The following HGF variants were observed in gnomAD, a reference collection of about 807,000 sequenced individuals.
HGF encodes hepatocyte growth factor.
In HGF, 39 loss-of-function variants were observed where a neutral mutation model predicts 111.6. The ratio of observed to expected loss-of-function variants is 0.35; its 90% CI spans 0.27 to 0.46. The LOEUF (loss-of-function observed/expected upper bound fraction) is 0.46. Among genes scored for constraint, HGF ranks in the 20% least tolerant of loss-of-function variants. The pLI is 1.00. For synonymous variants in HGF, 285 were observed against 294.8 expected (o/e 0.97, Z 0.34); for missense variants, 735 against 910.5 (o/e 0.81, Z 2.48).
chr7:81,712,012 C>A (rs375901515), intron 11 of HGF, among the ~76,000 whole-genome samples: 3 of 152,098 alleles, frequency 2.0e-5, no homozygotes, highest in African/African-American at 7.2e-5. Context: ...TTATACATCA[C>A]GTTTACTGGA....
At chr7:81,764,337 G>T (rs981740745) in intron 1 of HGF, among the ~76,000 whole-genome samples, 4 of 152,026 alleles carry the variant, frequency 2.6e-5, no homozygotes, top group Non-Finnish European at 5.9e-5. Context: ...AAACTCCAAA[G>T]CACAATCTCC....
intron 5 of HGF, chr7:81,751,052 A>C (rs1788475388): frequency 9.1e-6 from 9 of 984,792 alleles, no homozygotes; most frequent in Non-Finnish European, 1.1e-5. Context: ...ATTCACTAAC[A>C]ACAGAAAACA....
At position 81,699,290 on chromosome 7, in the gene HGF, T is replaced by C. The variant is rs1231350939; in HGVS notation, c.*3291A>G. 6.6e-6 allele frequency: 1 copy of C among 151,538 alleles called. No homozygotes were observed. Among genetic ancestry groups the C allele is most frequent in the Non-Finnish European group, 1.5e-5 (1 of 67,644 alleles). The allele number at this position is 151,538 out of a possible 1,614,324, so 9.4% of individuals were successfully genotyped here. On this transcript the variant is annotated 3_prime_UTR_variant, in exon 18 of 18. Coordinates refer to ENST00000222390, the MANE Select transcript of HGF (RefSeq NM_000601.6). ...ACTTAAAAGTTACACTGTCAAGATA[T>C]ATATGGTCCAAAAAATTTTAACTTT...
intron 1 of HGF, 62 bp downstream of exon 1, chr7:81,769,822 G>A (rs1412185498): frequency 8.1e-7 from 1 of 1,228,712 alleles, no homozygotes; most frequent in South Asian, 1.3e-5. Flanking sequence ...AAAAGGAATA[G>A]GGAAGGTTAG....
At chr7:81,766,845 A>G (rs1789380577) in intron 1 of HGF, among the ~76,000 whole-genome samples, 1 of 152,226 alleles carries the variant, frequency 6.6e-6, no homozygotes, top group Non-Finnish European at 1.5e-5. Flanking sequence ...TTCAACAAAA[A>G]AACTTTCAGC....
chr7:81,722,639 C>A (rs1193162555), intron 9 of HGF, among the ~76,000 whole-genome samples: 9 of 149,538 alleles, frequency 6.0e-5, no homozygotes, highest in African/African-American at 2.2e-4. Context: ...ATGGTGAAAC[C>A]CCATTTCTAC....
intron 9 of HGF, among the ~76,000 whole-genome samples, chr7:81,724,621 T>TAGG (rs1156383391): frequency 6.6e-6 from 1 of 152,220 alleles, no homozygotes; most frequent in Non-Finnish European, 1.5e-5. Context: ...GTAGGTTTGT[T>TAGG]ATATGTAAAT....
At chr7:81,726,416 C>T (rs879481584) in intron 8 of HGF, among the ~76,000 whole-genome samples, 1 of 152,156 alleles carries the variant, frequency 6.6e-6, no homozygotes, top group East Asian at 1.9e-4. Context: ...ACACATATCT[C>T]TCTTTGTGGA....
intron 7 of HGF, among the ~76,000 whole-genome samples, chr7:81,733,162 G>T (rs1027570159): frequency 6.6e-6 from 1 of 151,756 alleles, no homozygotes; most frequent in African/African-American, 2.4e-5. Context: ...TAAAAAGTAT[G>T]TAAAATCATT....
At chr7:81,710,987 C>G (rs5745737) in intron 12 of HGF, among the ~76,000 whole-genome samples, 199 of 152,220 alleles carry the variant, frequency 1.3e-3, no homozygotes, top group Non-Finnish European at 2.3e-3. Flanking sequence ...CAAGTGGCCC[C>G]CAACAGATTC....
intron 10 of HGF, among the ~76,000 whole-genome samples, chr7:81,717,587 G>A (rs1197542221): frequency 1.3e-5 from 2 of 151,958 alleles, no homozygotes; most frequent in Non-Finnish European, 2.9e-5. Context: ...TATGGAAGAG[G>A]GCTCCATAAT....
intron 7 of HGF, among the ~76,000 whole-genome samples, chr7:81,739,330 C>T (rs1368827439): frequency 6.6e-6 from 1 of 151,850 alleles, no homozygotes; most frequent in Non-Finnish European, 1.5e-5. Context: ...GTCTTTTATT[C>T]TTCACCTCAT....
At chr7:81,721,218 G>C (rs946845184) in intron 9 of HGF, among the ~76,000 whole-genome samples, 2 of 152,026 alleles carry the variant, frequency 1.3e-5, no homozygotes, top group African/African-American at 4.8e-5. Flanking sequence ...CTGCACTCCA[G>C]CCTGGGCGAC....
intron 4 of HGF, chr7:81,756,045 A>G (rs1357659255): frequency 7.1e-6 from 5 of 701,878 alleles, no homozygotes; most frequent in East Asian, 2.7e-5. Flanking sequence ...TGGATTCAAC[A>G]AGGCAGTCAT....
chr7:81,707,276 T>TA lies in HGF; in HGVS notation c.1616+13dup. ...TAAAGGCTCAAAATAATACTAGTTTTAAAAACACTTTACCGAGAAGGGAAA... is the reference window on the plus strand; with the variant it reads ...TAAAGGCTCAAAATAATACTAGTTTTAAAAAACACTTTACCGAGAAGGGAAA... On this transcript the variant is annotated intron_variant, in intron 14 of 17. Coordinates refer to ENST00000222390, the MANE Select transcript of HGF (RefSeq NM_000601.6). The TA allele has an allele frequency of 6.6e-7, 1 of 1,508,004 alleles. No individual in the cohort carries two copies. The highest frequency in any genetic ancestry group is 1.1e-5 in the South Asian group (1 of 88,848). 93.4% of individuals were successfully genotyped at this position (1,508,004 alleles called of 1,614,324 possible). A position where few individuals can be genotyped will look rare whatever the true frequency, so the allele number is the denominator to read the frequency against.
chr7:81,748,444 G>C (rs1788363358), intron 5 of HGF, among the ~76,000 whole-genome samples: 1 of 152,158 alleles, frequency 6.6e-6, no homozygotes, highest in African/African-American at 2.4e-5. Flanking sequence ...ATTATCTCAA[G>C]AAAGCCAAAT....
chr7:81,705,560 A>G lies in HGF; in HGVS notation c.1865-25T>C, dbSNP rs757640030. On this transcript the variant is annotated intron_variant, in intron 16 of 17. Transcript: ENST00000222390. ...ACTAGATTGATGCAAAAAACATACAATAAGGTGAGAAAAGTAAGAAACAAA... is the reference window on the plus strand; with the variant it reads ...ACTAGATTGATGCAAAAAACATACAGTAAGGTGAGAAAAGTAAGAAACAAA... The G allele has an allele frequency of 1.4e-5, 23 of 1,610,714 alleles. No homozygotes were observed. The South Asian group carries it at 2.4e-4, about 17-fold the overall frequency.
intron 13 of HGF, among the ~76,000 whole-genome samples, chr7:81,707,628 A>G (rs1205742855): frequency 6.6e-6 from 1 of 152,158 alleles, no homozygotes; most frequent in East Asian, 1.9e-4. Flanking sequence ...ATTACACATC[A>G]ATAGCCATCC....
Position 81,720,837 on chromosome 7 carries a change from A to T in HGF, c.1179T>A (p.Arg393=). The change falls in exon 10 of 18, where the codon CGT becomes CGA. Residue 393 remains arginine (R), a synonymous_variant. Coordinates refer to ENST00000222390, the MANE Select transcript of HGF (RefSeq NM_000601.6). ...TGCCCATATAATTTTTGCCATTCCC[A>T]CGATAACAATCTAGACATAAAATAT... ...CDMSHGQDCY[R]GNGKNYMGNL... The T allele has an allele frequency of 6.3e-7, 1 of 1,581,576 alleles. No homozygotes were observed. The highest frequency in any genetic ancestry group is 1.3e-5 in the African/African-American group (1 of 74,408).
Sources: allele counts gnomAD v4.1 joint callset (sites outside exome capture counted in the v4.1 genomes callset), GRCh38; gene constraint gnomAD v4.1.1; transcripts MANE v1.5; gene names NCBI Gene and HGNC (gene_info 2026-07-23, HGNC 2026-07-21).